Variants in ZNF808 observed in about 807,000 individuals in gnomAD.
ZNF808 encodes zinc finger protein 808.
ZNF808 carries 5 observed loss-of-function variants against 8.7 expected under a neutral mutation model. The ratio of observed to expected loss-of-function variants is 0.58; its 90% CI spans 0.30 to 1.21. The LOEUF (loss-of-function observed/expected upper bound fraction) is 1.21, where lower values mean the gene tolerates loss of function less well. Ranked by LOEUF, ZNF808 falls within the 50% of genes most tolerant of loss-of-function variation. The pLI is 0.07. For missense variants in ZNF808, 1,103 were observed against 1,098.4 expected, an observed-to-expected ratio of 1.00 and a Z score of -0.06; for synonymous variants, 380 against 366.0, an observed-to-expected ratio of 1.04 and a Z score of -0.44.
intron 2 of ZNF808, among the ~76,000 whole-genome samples, chr19:52,536,916 T>G (rs1163983457): frequency 6.6e-6 from 1 of 152,028 alleles, no homozygotes; most frequent in Non-Finnish European, 1.5e-5. Flanking sequence ...ACCGGGCGCT[T>G]TGGCTCATGC....
chr19:52,546,642 CTTTTTTTTTT>C (rs67940309), intron 3 of ZNF808, among the ~76,000 whole-genome samples: 3 of 98,802 alleles, frequency 3.0e-5, no homozygotes, highest in African/African-American at 1.2e-4. Context: ...CCTGTGTTTG[CTTTTTTTTTT>C]TTTTTTTTTT....
chr19:52,559,808 C>G (rs557812790), downstream of ZNF808, among the ~76,000 whole-genome samples: 49 of 152,180 alleles, frequency 3.2e-4, no homozygotes, highest in Admixed American at 9.2e-4. Flanking sequence ...CTCACTGTAG[C>G]TTCCACCTTC....
chr19:52,538,330 A>AATTATTATT (rs760151370), intron 2 of ZNF808, among the ~76,000 whole-genome samples: 1 of 124,324 alleles, frequency 8.0e-6, no homozygotes, highest in African/African-American at 2.6e-5. Context: ...CCTACATACT[A>AATTATTATT]ATTATTATTA....
At chr19:52,548,688 G>A (rs1047918432) in intron 4 of ZNF808, among the ~76,000 whole-genome samples, 2 of 152,156 alleles carry the variant, frequency 1.3e-5, no homozygotes, top group African/African-American at 4.8e-5. Context: ...GATTCCCAAA[G>A]TGCTGGGATT....
At position 52,547,370 on chromosome 19, in the gene ZNF808, A is replaced by G. The variant is rs185088759; in HGVS notation, c.64-142A>G. ...CAATAAAATGCAACTATACGGAAAA[A>G]ATAGTCAAAAATACCTTAACATCCT... On this transcript the variant is annotated intron_variant, in intron 3 of 4. Transcript: ENST00000359798. The G allele has an allele frequency of 2.8e-4, 418 of 1,503,036 alleles. 1 individual carries two copies. Among genetic ancestry groups the G allele is most frequent in the Non-Finnish European group, 3.5e-4 (393 of 1,126,358 alleles). 93.1% of individuals were successfully genotyped at this position (1,503,036 alleles called of 1,614,324 possible).
chr19:52,558,181 G>A (rs34942135), downstream of ZNF808, among the ~76,000 whole-genome samples: 11,769 of 149,400 alleles, frequency 0.079, 508 homozygotes, highest in Middle Eastern at 0.16. Context: ...CGCCTCCTGG[G>A]TTCACGCCAT....
chr19:52,547,361 T>A, intron 3 of ZNF808, 151 bp from the exon 4 acceptor site: 2 of 1,465,412 alleles, frequency 1.4e-6, no homozygotes, highest in East Asian at 4.7e-5. Context: ...AATGCAACTA[T>A]ACGGAAAAAA....
chr19:52,555,726 G>GC lies in ZNF808; in HGVS notation c.*99dup. On this transcript the variant is annotated 3_prime_UTR_variant, in exon 5 of 5. Transcript: ENST00000359798. ...AAATCTTCTGAGTGTAATAAATGTG[G>GC]CATGTTTTTCAGACATTGTTCATAC... 6.6e-7 allele frequency: 1 copy of GC among 1,507,434 alleles called. No individual in the cohort carries two copies. The allele number at this position is 1,507,434 out of a possible 1,614,324, so 93.4% of individuals were successfully genotyped here. A position where few individuals can be genotyped will look rare whatever the true frequency, so the allele number is the denominator to read the frequency against.
At position 52,554,438 on chromosome 19, in the gene ZNF808, G is replaced by GA; in HGVS notation, c.1527dup (p.Pro510ThrfsTer5). On this transcript the variant is annotated frameshift_variant, in exon 5 of 5. Coordinates refer to ENST00000359798, the MANE Select transcript of ZNF808 (RefSeq NM_001039886.4). LOFTEE classifies it low-confidence loss of function (END_TRUNC). ...ATGCCATCGTAGACTTCATAGTGGT[G>GA]AAAAACCTTACAAGTGTAATCAGTG... The GA allele has an allele frequency of 6.2e-7, 1 of 1,614,166 alleles. No homozygotes were observed. Among genetic ancestry groups the GA allele is most frequent in the Non-Finnish European group, 8.5e-7 (1 of 1,180,020 alleles).
downstream of ZNF808, among the ~76,000 whole-genome samples, chr19:52,557,392 G>A (rs562945177): frequency 7.6e-4 from 116 of 151,862 alleles, no homozygotes; most frequent in African/African-American, 2.6e-3. Flanking sequence ...TCAGCATACC[G>A]AGTAGTTGGG....
chr19:52,534,298 A>G (rs2059585940), intron 2 of ZNF808, among the ~76,000 whole-genome samples: 1 of 152,178 alleles, frequency 6.6e-6, no homozygotes, highest in South Asian at 2.1e-4. Context: ...TACCAAGTAG[A>G]GCCAGGATGA....
intron 2 of ZNF808, among the ~76,000 whole-genome samples, chr19:52,536,918 G>A (rs933545312): frequency 6.6e-6 from 1 of 152,174 alleles, no homozygotes; most frequent in Non-Finnish European, 1.5e-5. Flanking sequence ...CGGGCGCTTT[G>A]GCTCATGCCT....
intron 1 of ZNF808, among the ~76,000 whole-genome samples, chr19:52,528,779 G>A (rs888287515): frequency 5.9e-5 from 9 of 152,106 alleles, no homozygotes; most frequent in African/African-American, 2.4e-5. Flanking sequence ...TATCAGGGAA[G>A]AGAGAATTTA....
chr19:52,558,670 G>A (rs2059847001), downstream of ZNF808, among the ~76,000 whole-genome samples: 1 of 152,140 alleles, frequency 6.6e-6, no homozygotes, highest in Non-Finnish European at 1.5e-5. Flanking sequence ...ATGCCTGGCA[G>A]CATCTGAACT....
At chr19:52,529,162 G>A (rs1238276748) in intron 1 of ZNF808, among the ~76,000 whole-genome samples, 5 of 151,488 alleles carry the variant, frequency 3.3e-5, no homozygotes, top group Non-Finnish European at 7.4e-5. Flanking sequence ...AATTGCTTGA[G>A]TCTAGGAGTT....
intron 4 of ZNF808, among the ~76,000 whole-genome samples, chr19:52,551,900 G>A (rs1313047405): frequency 6.6e-6 from 1 of 152,122 alleles, no homozygotes; most frequent in African/African-American, 2.4e-5. Context: ...GTACTCAGGA[G>A]GTTGAGGAAG....
downstream of ZNF808, among the ~76,000 whole-genome samples, chr19:52,561,275 A>G (rs2059857428): frequency 6.7e-6 from 1 of 149,416 alleles, no homozygotes; most frequent in South Asian, 2.1e-4. Context: ...TCTAGGGTAC[A>G]TGTGCACAAC....
At chr19:52,540,541 T>C (rs925602391) in intron 2 of ZNF808, among the ~76,000 whole-genome samples, 1 of 152,198 alleles carries the variant, frequency 6.6e-6, no homozygotes, top group Non-Finnish European at 1.5e-5. Flanking sequence ...TCAAGGACCT[T>C]TTTTCTTTAC....
chr19:52,566,529 A>G (rs2059873373), downstream of ZNF808, among the ~76,000 whole-genome samples: 1 of 152,192 alleles, frequency 6.6e-6, no homozygotes, highest in African/African-American at 2.4e-5. Flanking sequence ...TAGCTAATTT[A>G]AAACGCAAAT....
Sources: gnomAD v4.1 joint callset for allele counts (sites outside exome capture counted in the v4.1 genomes callset) on GRCh38, gnomAD v4.1.1 for gene constraint, MANE v1.5 for transcripts, NCBI Gene and HGNC (gene_info 2026-07-23, HGNC 2026-07-21) for gene names.